Variants in AKAP3 observed in about 807,000 individuals in gnomAD.
The protein encoded by AKAP3 is A-kinase anchor protein 3.
In AKAP3, 27 loss-of-function variants were observed where a neutral mutation model predicts 57.2. The observed-to-expected ratio is 0.47, with a 90% confidence interval of 0.35 to 0.65. AKAP3 has a LOEUF of 0.65. Among genes scored for constraint, AKAP3 ranks in the 30% least tolerant of loss-of-function variants. The pLI, the probability that AKAP3 is intolerant of heterozygous loss-of-function variation, is 0.01. For synonymous variants in AKAP3, 334 were observed against 392.3 expected (o/e 0.85, Z 1.76); for missense variants, 959 against 1,040.0 (o/e 0.92, Z 1.07).
At chr12:4,635,974 G>T in intron 4 of AKAP3, 1 of 1,210,488 alleles carries the variant, frequency 8.3e-7, no homozygotes, top group Non-Finnish European at 1.2e-6. Context: ...CAAAGAAACA[G>T]CTTTTATCAC....
At chr12:4,644,458 C>T (rs888961442) in intron 2 of AKAP3, among the ~76,000 whole-genome samples, 4 of 152,194 alleles carry the variant, frequency 2.6e-5, no homozygotes, top group African/African-American at 9.7e-5. Context: ...AATGGGGAAG[C>T]AGGAAGTAAG....
At chr12:4,619,502 G>A (rs1945321569) in intron 5 of AKAP3, among the ~76,000 whole-genome samples, 2 of 151,942 alleles carry the variant, frequency 1.3e-5, no homozygotes, top group Admixed American at 6.6e-5. Flanking sequence ...AGGCTGCAGT[G>A]ACTATGATTA....
intron 5 of AKAP3, among the ~76,000 whole-genome samples, chr12:4,619,014 T>C (rs79693065): frequency 0.083 from 12,665 of 152,258 alleles, 911 homozygotes; most frequent in East Asian, 0.28. Flanking sequence ...AAGGATTGCA[T>C]AGGTATCTCA....
chr12:4,636,490 C>T (rs1945567331), intron 4 of AKAP3, among the ~76,000 whole-genome samples: 1 of 152,182 alleles, frequency 6.6e-6, no homozygotes, highest in Non-Finnish European at 1.5e-5. Context: ...TCACTAAGTT[C>T]ATTTGATTTA....
intron 3 of AKAP3, among the ~76,000 whole-genome samples, chr12:4,640,930 A>T (rs1284617922): frequency 6.6e-6 from 1 of 152,308 alleles, no homozygotes; most frequent in East Asian, 1.9e-4. Context: ...ATTCTAAAAC[A>T]CATCAAGAAT....
Position 4,615,558 on chromosome 12 carries a change from G to T in AKAP3, c.*181C>A. The T allele has an allele frequency of 1.5e-6, 1 of 689,230 alleles. No individual in the cohort carries two copies. The highest frequency in any genetic ancestry group is 2.2e-6 in the Non-Finnish European group (1 of 449,608). 42.7% of individuals were successfully genotyped at this position (689,230 alleles called of 1,614,324 possible). ...TTAATTTTACGTCCTTGCTTGCATGGACAGGAAAATCTGCAAAATCCAGTG... is the reference window on the plus strand; with the variant it reads ...TTAATTTTACGTCCTTGCTTGCATGTACAGGAAAATCTGCAAAATCCAGTG... On this transcript the variant is annotated 3_prime_UTR_variant, in exon 6 of 6. Coordinates refer to ENST00000228850, the MANE Select transcript of AKAP3 (RefSeq NM_001278309.2).
chr12:4,626,379 C>G, intron 5 of AKAP3, 117 bp downstream of exon 5: 1 of 1,257,368 alleles, frequency 8.0e-7, no homozygotes, highest in Non-Finnish European at 1.1e-6. Context: ...TCTTCAAATC[C>G]CACTGTTCCC....
At chr12:4,641,008 T>A (rs1945630157) in intron 3 of AKAP3, among the ~76,000 whole-genome samples, 1 of 150,168 alleles carries the variant, frequency 6.7e-6, no homozygotes, top group African/African-American at 2.4e-5. Context: ...TCCAGAAAGA[T>A]AATTATTTAC....
At position 4,626,965 on chromosome 12, in the gene AKAP3, GTC is replaced by G. The variant is rs1945423416; in HGVS notation, c.1935_1936del (p.Glu645AspfsTer41). ...GGTCAGCCCAGAAAGGGCACCAGGGGTCTCATCATCCTCATATAGCCTGGGGG... is the reference window on the plus strand; with the variant it reads ...GGTCAGCCCAGAAAGGGCACCAGGGGTCATCATCCTCATATAGCCTGGGGG... On this transcript the variant is annotated frameshift_variant, in exon 5 of 6. Coordinates refer to ENST00000228850, the MANE Select transcript of AKAP3 (RefSeq NM_001278309.2). LOFTEE classifies it high-confidence loss of function. The G allele has an allele frequency of 6.2e-7, 1 of 1,613,988 alleles. No homozygotes were observed. Among genetic ancestry groups the G allele is most frequent in the African/African-American group, 1.3e-5 (1 of 74,904 alleles).
chr12:4,628,646 A>G lies in AKAP3; in HGVS notation c.256T>C (p.Tyr86His), dbSNP rs781262909. Residue 86 changes from tyrosine (Y) to histidine (H), a missense_variant, in exon 5 of 6, where the codon TAC becomes CAC. Physicochemically the swap from Tyr to His is moderately conservative, Grantham distance 83. Transcript: ENST00000228850. ...GGAGTGCCCTTGGTGGTGGTGTTGT[A>G]ATAGTCTACAGAGAAACCTTTGTGT... ...DPHKGFSVDYYNTTTKGTPER... is the reference protein window; with the variant it reads ...DPHKGFSVDYHNTTTKGTPER... 1 of 1,614,194 alleles carries G rather than the reference A, an allele frequency of 6.2e-7. No homozygotes were observed. The highest frequency in any genetic ancestry group is 8.5e-7 in the Non-Finnish European group (1 of 1,180,028).
At chr12:4,620,218 G>A (rs1353007248) in intron 5 of AKAP3, among the ~76,000 whole-genome samples, 1 of 152,036 alleles carries the variant, frequency 6.6e-6, no homozygotes, top group Non-Finnish European at 1.5e-5. Context: ...GTGGCCAGAC[G>A]CGGTGGCTCA....
intron 3 of AKAP3, among the ~76,000 whole-genome samples, chr12:4,639,093 T>C (rs1945602732): frequency 6.6e-6 from 1 of 152,240 alleles, no homozygotes; most frequent in Non-Finnish European, 1.5e-5. Flanking sequence ...ATGAGTATTA[T>C]ATGTACATAC....
chr12:4,619,157 G>A (rs1447778040), intron 5 of AKAP3, among the ~76,000 whole-genome samples: 1 of 152,128 alleles, frequency 6.6e-6, no homozygotes, highest in Non-Finnish European at 1.5e-5. Flanking sequence ...ACAAATGAAA[G>A]AATAATATTG....
chr12:4,640,541 C>T (rs1945624529), intron 3 of AKAP3, among the ~76,000 whole-genome samples: 1 of 152,188 alleles, frequency 6.6e-6, no homozygotes, highest in Non-Finnish European at 1.5e-5. Flanking sequence ...AGATTAAATA[C>T]ATCATTGAAA....
chr12:4,638,268 G>T, intron 3 of AKAP3, 72 bp from the exon 4 acceptor site: 1 of 1,091,890 alleles, frequency 9.2e-7, no homozygotes, highest in Non-Finnish European at 1.4e-6. Flanking sequence ...AAGAAATGTG[G>T]TAAAGGGCTA....
intron 5 of AKAP3, among the ~76,000 whole-genome samples, chr12:4,617,701 G>A (rs928213668): frequency 3.3e-5 from 5 of 149,380 alleles, no homozygotes; most frequent in Admixed American, 1.3e-4. Context: ...GCAATGAGCC[G>A]AGATCACGCC....
At chr12:4,642,040 T>G (rs1164087822) in intron 2 of AKAP3, 36 bp from the exon 3 acceptor site, 3 of 152,192 alleles carry the variant, frequency 2.0e-5, no homozygotes, top group Non-Finnish European at 4.4e-5. Context: ...ATGACTAATT[T>G]TACAGATGGA....
At chr12:4,646,894 T>G (rs1945706538) in intron 1 of AKAP3, among the ~76,000 whole-genome samples, 1 of 152,052 alleles carries the variant, frequency 6.6e-6, no homozygotes, top group Admixed American at 6.6e-5. Context: ...GTGATTCTTG[T>G]GCCTCAGTCT....
chr12:4,626,825 C>T lies in AKAP3; in HGVS notation c.2077G>A (p.Ala693Thr). ...CCAGACTTGTCATCTCCCAGCTCTG[C>T]CAACGAAGCATCACAGGACTTAGCA... The part of the protein sequence containing the change: ...IIAKSCDASL[A>T]ELGDDKSGDA... The change falls in exon 5 of 6, where the codon GCA becomes ACA. Residue 693 changes from alanine (A) to threonine (T), a missense_variant. By Grantham distance (58) the Ala-to-Thr change is moderately conservative (BLOSUM62 0). Coordinates refer to ENST00000228850, the MANE Select transcript of AKAP3 (RefSeq NM_001278309.2). 6.2e-7 allele frequency: 1 copy of T among 1,614,144 alleles called. No homozygotes were observed. Among genetic ancestry groups the T allele is most frequent in the Non-Finnish European group, 8.5e-7 (1 of 1,180,024 alleles).
Sources: gnomAD v4.1 joint callset for allele counts (sites outside exome capture counted in the v4.1 genomes callset) on GRCh38, gnomAD v4.1.1 for gene constraint, MANE v1.5 for transcripts, NCBI Gene and HGNC (gene_info 2026-07-23, HGNC 2026-07-21) for gene names.